ADCY3: variants seen among roughly 807,000 people sequenced by gnomAD.
ADCY3 encodes the protein adenylate cyclase type 3.
In ADCY3, 70 loss-of-function variants were observed where a neutral mutation model predicts 119.4. The ratio of observed to expected loss-of-function variants is 0.59; its 90% CI spans 0.48 to 0.72. The LOEUF (loss-of-function observed/expected upper bound fraction) is 0.72. Among genes scored for constraint, ADCY3 ranks in the 30% least tolerant of loss-of-function variants. ADCY3 has a pLI of 0.00. For synonymous variants in ADCY3, 672 were observed against 621.4 expected, an observed-to-expected ratio of 1.08 and a Z score of -1.21; for missense variants, 1,238 against 1,541.6, an observed-to-expected ratio of 0.80 and a Z score of 3.30.
rs372828852 is a variant in ADCY3 at position 24,918,405 on chromosome 2, C to T, written c.583G>A (p.Val195Met). The part of the protein sequence containing the change: ...LSLSPIVIIS[V>M]VSCVVHTLVL... ...AACGTGTGCACCACACAGGAGACCA[C>T]GGAGATGATCACGATGGGGCTGAGG... Residue 195 changes from valine to methionine, a missense_variant, in exon 2 of 22, where the codon GTG (valine) becomes ATG (methionine). By Grantham distance (21) the Val-to-Met change is conservative (BLOSUM62 1). This residue lies in a region of ADCY3 where 283 missense variants were observed against 437.2 expected (regional missense o/e 0.65). Coordinates refer to ENST00000679454, the MANE Select transcript of ADCY3 (RefSeq NM_004036.5). This position sits in a 1 kb window ranked among gnomAD's most constrained non-coding sequence, Gnocchi z 5.4. 65 of 1,613,682 alleles carry T rather than the reference C, an allele frequency of 4.0e-5. No homozygotes were observed. Among genetic ancestry groups the T allele is most frequent in the Non-Finnish European group, 4.9e-5 (58 of 1,179,984 alleles).
In ADCY3 at chr2:24,899,750, T is replaced by C. The variant is rs1678698722; in HGVS notation, c.675+18563A>G. The stretch of plus-strand genomic sequence containing the variant: ...TGCATAAGCTTATATAAAGAATGTA[T>C]CTGTCCTAAATGTGCATAGAGTCAC... On this transcript the variant is annotated intron_variant, in intron 2 of 21. Transcript: ENST00000679454. This position sits in a 1 kb window ranked among gnomAD's most constrained non-coding sequence, Gnocchi z 4.5. 6.6e-6 allele frequency among the ~76,000 whole-genome samples: 1 copy of C among 152,188 alleles called. No individual in the cohort carries two copies. The highest frequency in any genetic ancestry group is 1.5e-5 in the Non-Finnish European group (1 of 68,036).
At chr2:24,823,453 C>A (rs1344112373) in intron 17 of ADCY3, 98 bp from the exon 18 acceptor site, 5 of 1,322,924 alleles carry the variant, frequency 3.8e-6, no homozygotes, top group African/African-American at 1.5e-5. Context: ...CATGTGCACT[C>A]AGCTTTTTGG....
intron 2 of ADCY3, among the ~76,000 whole-genome samples, chr2:24,892,323 A>G (rs1677753923): frequency 6.7e-6 from 1 of 149,730 alleles, no homozygotes; most frequent in South Asian, 2.1e-4. Context: ...ATCTCGGCTC[A>G]CTGCAAGCTC....
intron 2 of ADCY3, among the ~76,000 whole-genome samples, chr2:24,887,902 C>A (rs1424131988): frequency 1.3e-5 from 2 of 152,166 alleles, no homozygotes; most frequent in Non-Finnish European, 2.9e-5. Flanking sequence ...TAAGTGTTAC[C>A]TATTATTGTT....
At chr2:24,877,060 C>A (rs1675800703) in intron 2 of ADCY3, among the ~76,000 whole-genome samples, 1 of 152,214 alleles carries the variant, frequency 6.6e-6, no homozygotes, top group Non-Finnish European at 1.5e-5. Flanking sequence ...CCTGCAGAGA[C>A]CTCCCATCTG....
In ADCY3 at chr2:24,834,206, C is replaced by T. The variant is rs1266066470; in HGVS notation, c.1967+279G>A. Among the ~76,000 whole-genome samples, 2 of 152,252 alleles carry T rather than the reference C, an allele frequency of 1.3e-5. No individual in the cohort carries two copies. Among genetic ancestry groups the T allele is most frequent in the Non-Finnish European group, 2.9e-5 (2 of 68,046 alleles). Reference sequence around the variant, plus strand: ...TGTGGGCCCATCTAGCCAAGGTCTCCAGCCTTCTGGAGGCCTCTGTCCCTC... The same window carrying T: ...TGTGGGCCCATCTAGCCAAGGTCTCTAGCCTTCTGGAGGCCTCTGTCCCTC... On this transcript the variant is annotated intron_variant, in intron 11 of 21. Coordinates refer to ENST00000679454, the MANE Select transcript of ADCY3 (RefSeq NM_004036.5). The surrounding 1 kb of genome is among the most constrained non-coding windows in gnomAD (Gnocchi z 4.2).
intron 2 of ADCY3, among the ~76,000 whole-genome samples, chr2:24,886,666 C>T (rs1231524911): frequency 1.3e-5 from 2 of 152,204 alleles, no homozygotes; most frequent in Non-Finnish European, 1.5e-5. Context: ...GGCCAGTTCT[C>T]GCCACTCATC....
At chr2:24,835,348 C>A (rs1346007359) in intron 9 of ADCY3, among the ~76,000 whole-genome samples, 1 of 152,146 alleles carries the variant, frequency 6.6e-6, no homozygotes, top group East Asian at 1.9e-4. Context: ...GCTCCCAACT[C>A]TAGGGCTTCA....
Position 24,827,565 on chromosome 2 carries a change from C to G in ADCY3, c.2476G>C (p.Gly826Arg). 1 of 1,589,350 alleles carries G rather than the reference C, an allele frequency of 6.3e-7. No individual in the cohort carries two copies. Among genetic ancestry groups the G allele is most frequent in the East Asian group, 2.3e-5 (1 of 44,170 alleles). The change falls in exon 15 of 22, where the codon GGG (glycine) becomes CGG (arginine). Residue 826 changes from glycine (G) to arginine (R), a missense_variant. Physicochemically the swap from Gly to Arg is moderately radical, Grantham distance 125 (BLOSUM62 -2). Transcript: ENST00000679454. ...ALEQMQGFNP[G>R]LNGTDRLPLV... The stretch of plus-strand genomic sequence containing the variant: ...CCTTACCTGTCAGTGCCATTGAGCC[C>G]AGGGTTGAATCCTTGCATCTGCTCT...
In ADCY3 at chr2:24,819,904, G is replaced by T. The variant is rs745448867; in HGVS notation, c.*28C>A. 5.6e-6 allele frequency: 9 copies of T among 1,608,640 alleles called. No homozygotes were observed. Among genetic ancestry groups the T allele is most frequent in the South Asian group, 1.1e-5 (1 of 90,514 alleles). On this transcript the variant is annotated 3_prime_UTR_variant, in exon 22 of 22. Coordinates refer to ENST00000679454, the MANE Select transcript of ADCY3 (RefSeq NM_004036.5). The stretch of plus-strand genomic sequence containing the variant: ...TTCAAAAAATAAATTCTCCCTTCCG[G>T]TTTGGACTGTTGCAGGCTCGAGGCC...
rs570731573 is a variant in ADCY3 at position 24,862,143 on chromosome 2, GTGAGGC to G, written c.825+10421_825+10426del. On this transcript the variant is annotated intron_variant, in intron 3 of 21. Transcript: ENST00000679454. ...AGTACAGACAGGTATCCACCACAAG[GTGAGGC>G]TGGAGCATAGGACTGTGGGACTGTG... is the stretch of plus-strand genomic sequence containing the variant. Among the ~76,000 whole-genome samples, 218 of 152,246 alleles carry G rather than the reference GTGAGGC, an allele frequency of 1.4e-3. 1 individual carries two copies. The highest frequency in any genetic ancestry group is 5.2e-3 in the African/African-American group (215 of 41,534).
Position 24,918,250 on chromosome 2 carries a change from A to AGGTCCCAAGTT in ADCY3, c.675+52_675+62dup. ...AGGCAAAGCAAACAGCAACTCCAAC[A>AGGTCCCAAGTT]GGTCCCAAGTTGGTGAGAGCTGCAG... On this transcript the variant is annotated intron_variant, in intron 2 of 21. Coordinates refer to ENST00000679454, the MANE Select transcript of ADCY3 (RefSeq NM_004036.5). The surrounding 1 kb of genome is among the most constrained non-coding windows in gnomAD (Gnocchi z 5.4). 1 of 1,496,236 alleles carries AGGTCCCAAGTT rather than the reference A, an allele frequency of 6.7e-7. No homozygotes were observed. Among genetic ancestry groups the AGGTCCCAAGTT allele is most frequent in the Non-Finnish European group, 8.9e-7 (1 of 1,119,926 alleles). The allele number at this position is 1,496,236 out of a possible 1,614,324, so 92.7% of individuals were successfully genotyped here.
chr2:24,838,679 AG>A lies in ADCY3; in HGVS notation c.1356-58del, dbSNP rs1184609234. 1.3e-5 allele frequency: 21 copies of A among 1,606,672 alleles called. No homozygotes were observed. The Admixed American group carries it at 2.2e-4, about 17-fold the overall frequency. On this transcript the variant is annotated intron_variant, in intron 7 of 21. Coordinates refer to ENST00000679454, the MANE Select transcript of ADCY3 (RefSeq NM_004036.5). ...GGCCAGAGGTGGCCCTCACACCCCC[AG>A]GGGACAGTCCACGGACCACGGCTGC...
At chr2:24,864,519 T>C (rs1208422901) in intron 3 of ADCY3, among the ~76,000 whole-genome samples, 1 of 152,146 alleles carries the variant, frequency 6.6e-6, no homozygotes, top group Admixed American at 6.5e-5. Context: ...GGTGTATACA[T>C]GCAAGGAGAT....
intron 3 of ADCY3, among the ~76,000 whole-genome samples, chr2:24,860,409 G>C (rs1028627136): frequency 6.6e-6 from 1 of 152,246 alleles, no homozygotes; most frequent in African/African-American, 2.4e-5. Context: ...ACAGGGAAGC[G>C]CCATGGCACT....
intron 3 of ADCY3, among the ~76,000 whole-genome samples, chr2:24,857,264 C>T (rs567176093): frequency 6.6e-6 from 1 of 152,346 alleles, no homozygotes; most frequent in South Asian, 2.1e-4. Flanking sequence ...AGGAGACAGC[C>T]CACTGGGCCC....
chr2:24,902,317 G>T (rs1371111259), intron 2 of ADCY3, among the ~76,000 whole-genome samples: 1 of 152,076 alleles, frequency 6.6e-6, no homozygotes, highest in African/African-American at 2.4e-5. Flanking sequence ...CTGGGCTCAA[G>T]CGATCCTCCC....
intron 2 of ADCY3, among the ~76,000 whole-genome samples, chr2:24,880,051 C>T (rs1413740893): frequency 6.6e-6 from 1 of 152,234 alleles, no homozygotes. Context: ...GCCTGGGGTG[C>T]TGCTGCCATG....
chr2:24,883,523 T>C (rs1366953047), intron 2 of ADCY3, among the ~76,000 whole-genome samples: 1 of 152,202 alleles, frequency 6.6e-6, no homozygotes, highest in Non-Finnish European at 1.5e-5. Context: ...TTTAAGCATA[T>C]AGATTCTGGA....
Sources: allele counts gnomAD v4.1 joint callset (sites outside exome capture counted in the v4.1 genomes callset), GRCh38; gene constraint gnomAD v4.1.1; regional missense constraint gnomAD v4.1.1; non-coding constraint Gnocchi (gnomAD v3.1); transcripts MANE v1.5; gene names NCBI Gene and HGNC (gene_info 2026-07-23, HGNC 2026-07-21).